The following BARD1 variants were observed in gnomAD, a reference collection of about 807,000 sequenced individuals.
The protein encoded by BARD1 is BRCA1 associated RING domain 1.
BARD1 carries 73 observed loss-of-function variants against 77.0 expected under a neutral mutation model. That is an observed-to-expected ratio of 0.95 (90% confidence interval 0.79 to 1.15). The LOEUF is 1.15. BARD1 is among the 50% of genes most tolerant of loss of function. The probability of loss-of-function intolerance (pLI) is 0.00; values close to 1 mark genes in which losing one functional copy is unlikely to be tolerated. For synonymous variants in BARD1, 384 were observed against 338.0 expected (o/e 1.14, Z -1.49); for missense variants, 993 against 938.8 (o/e 1.06, Z -0.75).
chr2:214,738,482 A>T (rs1447605464), intron 9 of BARD1, among the ~76,000 whole-genome samples: 2 of 152,036 alleles, frequency 1.3e-5, no homozygotes, highest in Non-Finnish European at 2.9e-5. Context: ...TACAGAAGGT[A>T]TTTTTTTATT....
intron 6 of BARD1, among the ~76,000 whole-genome samples, chr2:214,767,184 C>T (rs1246676904): frequency 3.9e-5 from 6 of 152,298 alleles, no homozygotes; most frequent in Admixed American, 1.3e-4. Context: ...CATAGTATTC[C>T]ATGGTATATA....
intron 3 of BARD1, among the ~76,000 whole-genome samples, chr2:214,786,607 A>C (rs1030661944): frequency 1.3e-5 from 2 of 151,984 alleles, no homozygotes; most frequent in Admixed American, 1.3e-4. Context: ...ACTTAACTCT[A>C]GAAATTTCAG....
At chr2:214,781,947 A>C (rs1173907871) in intron 3 of BARD1, among the ~76,000 whole-genome samples, 1 of 152,178 alleles carries the variant, frequency 6.6e-6, no homozygotes, top group African/African-American at 2.4e-5. Flanking sequence ...AACAAATCCC[A>C]ATGTAATTTC....
At chr2:214,808,182 G>A (rs1349554821) in intron 1 of BARD1, among the ~76,000 whole-genome samples, 1 of 152,190 alleles carries the variant, frequency 6.6e-6, no homozygotes, top group African/African-American at 2.4e-5. Context: ...GGCAGAGGCG[G>A]GCGGATCACG....
intron 6 of BARD1, among the ~76,000 whole-genome samples, chr2:214,755,212 G>A (rs1388143845): frequency 2.0e-5 from 3 of 152,156 alleles, no homozygotes; most frequent in African/African-American, 7.2e-5. Flanking sequence ...AAATAGAGAA[G>A]TCAGTGATAA....
At chr2:214,792,091 C>T (rs1211168324) in intron 3 of BARD1, among the ~76,000 whole-genome samples, 3 of 150,984 alleles carry the variant, frequency 2.0e-5, no homozygotes. Context: ...TGGGGGGAAT[C>T]CCTTGAGTGC....
chr2:214,740,689 A>C (rs1334239578), intron 9 of BARD1, among the ~76,000 whole-genome samples: 4 of 152,040 alleles, frequency 2.6e-5, no homozygotes, highest in African/African-American at 7.2e-5. Flanking sequence ...GAATTTTCCT[A>C]ATCTTTCATA....
intron 10 of BARD1, 41 bp from the exon 11 acceptor site, chr2:214,729,049 T>C (rs1692233538): frequency 6.3e-7 from 1 of 1,584,922 alleles, no homozygotes. Context: ...CAGATCAAAA[T>C]ACTGTATTCA....
intron 9 of BARD1, among the ~76,000 whole-genome samples, chr2:214,740,692 C>T (rs1167887904): frequency 6.6e-6 from 1 of 151,928 alleles, no homozygotes; most frequent in African/African-American, 2.4e-5. Flanking sequence ...TTTTCCTAAT[C>T]TTTCATATGT....
intron 4 of BARD1, among the ~76,000 whole-genome samples, chr2:214,777,551 G>A (rs1009737401): frequency 3.9e-5 from 6 of 152,108 alleles, no homozygotes; most frequent in African/African-American, 1.4e-4. Flanking sequence ...AACAACTTTA[G>A]GCCACTTGAA....
chr2:214,758,956 A>C (rs1693824668), intron 6 of BARD1, among the ~76,000 whole-genome samples: 1 of 152,196 alleles, frequency 6.6e-6, no homozygotes, highest in Non-Finnish European at 1.5e-5. Context: ...ACTAATACTA[A>C]ATCTATCACG....
intron 4 of BARD1, among the ~76,000 whole-genome samples, chr2:214,775,143 A>G (rs548217174): frequency 7.9e-5 from 12 of 152,278 alleles, no homozygotes; most frequent in African/African-American, 2.9e-4. Context: ...TAAATTACTT[A>G]AAGAATTTTT....
At chr2:214,729,804 C>A (rs1463201807) in intron 10 of BARD1, among the ~76,000 whole-genome samples, 2 of 152,028 alleles carry the variant, frequency 1.3e-5, no homozygotes, top group Non-Finnish European at 2.9e-5. Context: ...CCAATTCTGC[C>A]CATCCACATT....
intron 1 of BARD1, among the ~76,000 whole-genome samples, chr2:214,808,734 G>T (rs1004207450): frequency 4.6e-5 from 7 of 152,190 alleles, no homozygotes; most frequent in South Asian, 4.1e-4. Flanking sequence ...TCTTTGGACG[G>T]AATGAAAACC....
chr2:214,767,350 G>T, intron 6 of BARD1, 132 bp downstream of exon 6: 1 of 852,248 alleles, frequency 1.2e-6, no homozygotes, highest in Non-Finnish European at 1.9e-6. Flanking sequence ...AGAATGTGAT[G>T]ATCACATCTA....
At chr2:214,742,979 C>T (rs1287429855) in intron 9 of BARD1, among the ~76,000 whole-genome samples, 4 of 152,164 alleles carry the variant, frequency 2.6e-5, no homozygotes, top group Non-Finnish European at 5.9e-5. Flanking sequence ...CTCAATAAGA[C>T]TTTCACAGAT....
chr2:214,747,907 A>G (rs1467796414), intron 7 of BARD1, among the ~76,000 whole-genome samples: 1 of 151,744 alleles, frequency 6.6e-6, no homozygotes, highest in Non-Finnish European at 1.5e-5. Flanking sequence ...TTAAAAAAGG[A>G]AAATATTCAG....
rs2106108465 is a variant in BARD1 at position 214,780,728 on chromosome 2, G to A, written c.1146C>T (p.Asn382=). Reference sequence around the variant, plus strand: ...AAAGACTAATGAATTCATCGGACATGTTACTGTTTTTCCTCCCTGATGTAC... The same window carrying A: ...AAAGACTAATGAATTCATCGGACATATTACTGTTTTTCCTCCCTGATGTAC... ...VGGTSGRKNS[N]MSDEFISLSP... is the part of the protein sequence containing the mutation. Residue 382 remains asparagine (N), a synonymous_variant, in exon 4 of 11, where the codon AAC becomes AAT. Coordinates refer to ENST00000260947, the MANE Select transcript of BARD1 (RefSeq NM_000465.4). 1 of 1,614,036 alleles carries A rather than the reference G, an allele frequency of 6.2e-7. No homozygotes were observed. The highest frequency in any genetic ancestry group is 2.2e-5 in the East Asian group (1 of 44,872).
At chr2:214,777,480 C>T (rs1480055904) in intron 4 of BARD1, among the ~76,000 whole-genome samples, 3 of 152,170 alleles carry the variant, frequency 2.0e-5, no homozygotes, top group Admixed American at 6.5e-5. Flanking sequence ...CAAACATGTG[C>T]TCAAACTATA....
Sources: allele counts gnomAD v4.1 joint callset (sites outside exome capture counted in the v4.1 genomes callset), GRCh38; gene constraint gnomAD v4.1.1; transcripts MANE v1.5; gene names NCBI Gene and HGNC (gene_info 2026-07-23, HGNC 2026-07-21).